Variants in B3GNT9 observed in about 807,000 individuals in gnomAD.
The protein encoded by B3GNT9 is BGnT-9.
For synonymous variants in B3GNT9, 359 were observed against 283.9 expected (o/e 1.26, Z -2.66); for missense variants, 669 against 599.2 (o/e 1.12, Z -1.22).
chr16:67,149,787 G>T lies in B3GNT9; in HGVS notation c.699C>A (p.Phe233Leu), dbSNP rs376177165. Residue 233 changes from phenylalanine to leucine, a missense_variant, in exon 2 of 2, where the codon TTC becomes TTA. Phe to Leu is a conservative substitution (Grantham distance 22). Coordinates refer to ENST00000449549, the MANE Select transcript of B3GNT9 (RefSeq NM_033309.3). ...RFVFKGDADV[F>L]VNVGNLLEFL... ...ACTCCAGGAGATTTCCCACGTTCAC[G>T]AACACATCTGCGTCGCCCTTAAAAA... 19 of 1,613,876 alleles carry T rather than the reference G, an allele frequency of 1.2e-5. No homozygotes were observed. Among genetic ancestry groups the T allele is most frequent in the Admixed American group, 1.0e-4 (6 of 60,024 alleles).
At position 67,149,473 on chromosome 16, in the gene B3GNT9, G is replaced by T. The variant is rs1028296132; in HGVS notation, c.1013C>A (p.Thr338Asn). The T allele has an allele frequency of 5.0e-6, 8 of 1,609,266 alleles. No individual in the cohort carries two copies. Among genetic ancestry groups the T allele is most frequent in the Non-Finnish European group, 5.9e-6 (7 of 1,177,938 alleles). The change falls in exon 2 of 2, where the codon ACC (threonine) becomes AAC (asparagine). Residue 338 changes from threonine (T) to asparagine (N), a missense_variant. Physicochemically the swap from Thr to Asn is moderately conservative, Grantham distance 65. Coordinates refer to ENST00000449549, the MANE Select transcript of B3GNT9 (RefSeq NM_033309.3). ...GGCTGAAGGCTGGGGGATGCCAAAG[G>T]TGCGGAAGGCAGGGTGAGGCTCGGG... The part of the protein sequence containing the change: ...LTPEPHPAFR[T>N]FGIPQPSAAP...
Position 67,149,021 on chromosome 16 carries a change from T to G in B3GNT9, c.*256A>C, listed in dbSNP as rs762653444. Reference sequence around the variant, plus strand: ...TGTGCTACTAGGAGGACCAGACATATCCACTGCTCTGGGACCTGTTGGACA... The same window carrying G: ...TGTGCTACTAGGAGGACCAGACATAGCCACTGCTCTGGGACCTGTTGGACA... On this transcript the variant is annotated 3_prime_UTR_variant, in exon 2 of 2. Transcript: ENST00000449549. 5 of 567,438 alleles carry G rather than the reference T, an allele frequency of 8.8e-6. No homozygotes were observed. The highest frequency in any genetic ancestry group is 7.8e-5 in the African/African-American group (4 of 51,468). 35.2% of individuals were successfully genotyped at this position (567,438 alleles called of 1,614,324 possible).
rs934844205 is a variant in B3GNT9, at chr16:67,149,506, C to T, written c.980G>A (p.Arg327Gln). 8 of 1,608,386 alleles carry T rather than the reference C, an allele frequency of 5.0e-6. No individual in the cohort carries two copies. The Middle Eastern group carries it at 4.9e-4, about 99-fold the overall frequency. Residue 327 changes from arginine (R) to glutamine (Q), a missense_variant, in exon 2 of 2, where the codon CGG becomes CAG. By Grantham distance (43) the Arg-to-Gln change is conservative (BLOSUM62 1). Coordinates refer to ENST00000449549, the MANE Select transcript of B3GNT9 (RefSeq NM_033309.3). ...VFLGMCLQRL[R>Q]LTPEPHPAFR... The stretch of plus-strand genomic sequence containing the variant: ...GGCAGGGTGAGGCTCGGGCGTGAGC[C>T]GCAGGCGCTGCAGACACATGCCCAG...
chr16:67,150,151 G>T lies in B3GNT9; in HGVS notation c.335C>A (p.Pro112His). 8 of 1,534,352 alleles carry T rather than the reference G, an allele frequency of 5.2e-6. No individual in the cohort carries two copies. The highest frequency in any genetic ancestry group is 6.1e-6 in the Non-Finnish European group (7 of 1,143,576). ...QPHKCRGDGA[P>H]GGRPDLLIAV... ...AATAAGCAGGTCCGGGCGGCCACCG[G>T]GTGCGCCGTCGCCGCGGCACTTGTG... The change falls in exon 2 of 2, where the codon CCC (proline) becomes CAC (histidine). Residue 112 changes from proline to histidine, a missense_variant. Physicochemically the swap from Pro to His is moderately conservative, Grantham distance 77. Transcript: ENST00000449549.
In B3GNT9 at chr16:67,149,638, T is replaced by G. The variant is rs1303775637; in HGVS notation, c.848A>C (p.Tyr283Ser). ...IPEAVYGLPA[Y>S]PAYAGGGGFV... ...GCCACCGCCGCCCGCGTAGGCCGGA[T>G]AGGCGGGCAGGCCGTACACGGCCTC... The change falls in exon 2 of 2, where the codon TAT becomes TCT. Residue 283 changes from tyrosine to serine, a missense_variant. Transcript: ENST00000449549. The G allele has an allele frequency of 6.2e-7, 1 of 1,601,306 alleles. No individual in the cohort carries two copies. The highest frequency in any genetic ancestry group is 8.5e-7 in the Non-Finnish European group (1 of 1,174,280).
Position 67,149,481 on chromosome 16 carries a change from G to A in B3GNT9, c.1005C>T (p.Ala335=). The A allele has an allele frequency of 1.2e-6, 2 of 1,609,232 alleles. No individual in the cohort carries two copies. Among genetic ancestry groups the A allele is most frequent in the Non-Finnish European group, 1.7e-6 (2 of 1,177,976 alleles). ...GCTGGGGGATGCCAAAGGTGCGGAAGGCAGGGTGAGGCTCGGGCGTGAGCC... is the reference window on the plus strand; with the variant it reads ...GCTGGGGGATGCCAAAGGTGCGGAAAGCAGGGTGAGGCTCGGGCGTGAGCC... ...RLRLTPEPHP[A]FRTFGIPQPS... The change falls in exon 2 of 2, where the codon GCC becomes GCT. Residue 335 remains alanine (A), a synonymous_variant. Transcript: ENST00000449549.
At position 67,149,476 on chromosome 16, in the gene B3GNT9, C is replaced by T. The variant is rs200217141; in HGVS notation, c.1010G>A (p.Arg337His). 1,881 of 1,608,394 alleles carry T rather than the reference C, an allele frequency of 1.2e-3. 5 individuals are homozygous for T. The highest frequency in any genetic ancestry group is 1.5e-3 in the Non-Finnish European group (1,765 of 1,177,510). ...RLTPEPHPAFRTFGIPQPSAA... is the reference protein window; with the variant it reads ...RLTPEPHPAFHTFGIPQPSAA... ...TGAAGGCTGGGGGATGCCAAAGGTGCGGAAGGCAGGGTGAGGCTCGGGCGT... is the reference window on the plus strand; with the variant it reads ...TGAAGGCTGGGGGATGCCAAAGGTGTGGAAGGCAGGGTGAGGCTCGGGCGT... The change falls in exon 2 of 2, where the codon CGC becomes CAC. Residue 337 changes from arginine to histidine, a missense_variant. Arg to His is a conservative substitution (Grantham distance 29). Transcript: ENST00000449549.
rs1429977366 is a variant in B3GNT9, at chr16:67,149,955, G to C, written c.531C>G (p.His177Gln). Residue 177 changes from histidine (H) to glutamine (Q), a missense_variant, in exon 2 of 2, where the codon CAC becomes CAG. By Grantham distance (24) the His-to-Gln change is conservative (BLOSUM62 0). Coordinates refer to ENST00000449549, the MANE Select transcript of B3GNT9 (RefSeq NM_033309.3). ...ADEVGEGART[H>Q]WRALLRAESL... ...TCTCGGCCCGCAGCAGGGCGCGCCAGTGGGTTCGCGCGCCCTCCCCAACTT... is the reference window on the plus strand; with the variant it reads ...TCTCGGCCCGCAGCAGGGCGCGCCACTGGGTTCGCGCGCCCTCCCCAACTT... 2.6e-6 allele frequency: 4 copies of C among 1,564,114 alleles called. No homozygotes were observed. The highest frequency in any genetic ancestry group is 1.9e-5 in the Admixed American group (1 of 51,792).
In B3GNT9 at chr16:67,150,355, C is replaced by A; in HGVS notation, c.131G>T (p.Arg44Met). ...PTASAPRGRG[R>M]AAPRPTPGPR... Reference sequence around the variant, plus strand: ...TCCGGGGGTGGGCCTCGGTGCCGCCCTCCCTCGCCCTCGCGGCGCGCTCGC... The same window carrying A: ...TCCGGGGGTGGGCCTCGGTGCCGCCATCCCTCGCCCTCGCGGCGCGCTCGC... Residue 44 changes from arginine (R) to methionine (M), a missense_variant, in exon 2 of 2, where the codon AGG becomes ATG. Transcript: ENST00000449549. 1 of 1,351,688 alleles carries A rather than the reference C, an allele frequency of 7.4e-7. No homozygotes were observed. The highest frequency in any genetic ancestry group is 2.0e-5 in the South Asian group (1 of 50,186). The allele number at this position is 1,351,688 out of a possible 1,614,324, so 83.7% of individuals were successfully genotyped here.
Position 67,150,523 on chromosome 16 carries a change from C to T in B3GNT9, c.-38G>A, listed in dbSNP as rs2030440506. On this transcript the variant is annotated 5_prime_UTR_variant, in exon 2 of 2. Transcript: ENST00000449549. ...TGCGCCCTCCCTCCCCTGTAAGGGT[C>T]GCAGTCGGCAGCAGGGGGCAGCGAG... 1 of 1,259,952 alleles carries T rather than the reference C, an allele frequency of 7.9e-7. No individual in the cohort carries two copies. Among genetic ancestry groups the T allele is most frequent in the Non-Finnish European group, 1.0e-6 (1 of 1,002,740 alleles). 78.0% of individuals were successfully genotyped at this position (1,259,952 alleles called of 1,614,324 possible). A position where few individuals can be genotyped will look rare whatever the true frequency, so the allele number is the denominator to read the frequency against.
In B3GNT9 at chr16:67,150,431, C is replaced by T. The variant is rs1597225869; in HGVS notation, c.55G>A (p.Ala19Thr). The T allele has an allele frequency of 8.9e-6, 12 of 1,354,616 alleles. No individual in the cohort carries two copies. Among genetic ancestry groups the T allele is most frequent in the Non-Finnish European group, 1.1e-5 (12 of 1,056,666 alleles). 83.9% of individuals were successfully genotyped at this position (1,354,616 alleles called of 1,614,324 possible). A position where few individuals can be genotyped will look rare whatever the true frequency, so the allele number is the denominator to read the frequency against. ...GCATAGAGTAAGAGGCCCAGGGAGG[C>T]GCCAAGGAGCAGCGTGAGCAATGCG... ...RDALLTLLLGASLGLLLYAQR... is the reference protein window; with the variant it reads ...RDALLTLLLGTSLGLLLYAQR... The change falls in exon 2 of 2, where the codon GCC (alanine) becomes ACC (threonine). Residue 19 changes from alanine (A) to threonine (T), a missense_variant. Coordinates refer to ENST00000449549, the MANE Select transcript of B3GNT9 (RefSeq NM_033309.3).
At position 67,149,733 on chromosome 16, in the gene B3GNT9, G is replaced by A; in HGVS notation, c.753C>T (p.Asp251=). ...GCACAATTACGTCACCAGCAAGCAG[G>A]TCTTGCGCCGGGTCCCGCGGCGCCA... The part of the protein sequence containing the change: ...EFLAPRDPAQ[D]LLAGDVIVHA... The change falls in exon 2 of 2, where the codon GAC becomes GAT. Residue 251 remains aspartate (D), a synonymous_variant. Transcript: ENST00000449549. 2 of 1,613,688 alleles carry A rather than the reference G, an allele frequency of 1.2e-6. No individual in the cohort carries two copies. Among genetic ancestry groups the A allele is most frequent in the Non-Finnish European group, 1.7e-6 (2 of 1,179,810 alleles).
Position 67,150,913 on chromosome 16 carries a change from C to T in B3GNT9, c.-235G>A, listed in dbSNP as rs967291125. On this transcript the variant is annotated 5_prime_UTR_variant, in exon 1 of 2. Transcript: ENST00000449549. ...GCCCCGGACGCCCTGGCCTCCGGGG[C>T]TCAGCGCAGGGTCCGAGGGGCCGCC... 1.9e-5 allele frequency: 3 copies of T among 155,284 alleles called. No individual in the cohort carries two copies. The highest frequency in any genetic ancestry group is 7.2e-5 in the African/African-American group (3 of 41,570). 9.6% of individuals were successfully genotyped at this position (155,284 alleles called of 1,614,324 possible).
Position 67,150,614 on chromosome 16 carries a change from T to C in B3GNT9, c.-129A>G, listed in dbSNP as rs1006383377. 2 of 725,100 alleles carry C rather than the reference T, an allele frequency of 2.8e-6. No homozygotes were observed. The highest frequency in any genetic ancestry group is 3.8e-6 in the Non-Finnish European group (2 of 522,876). 44.9% of individuals were successfully genotyped at this position (725,100 alleles called of 1,614,324 possible). On this transcript the variant is annotated 5_prime_UTR_variant, in exon 2 of 2. Transcript: ENST00000449549. ...GGGGGGGGCTCCAGCGACCGACGGTTGAGCCCCTTGCGTTGTTCTCCTCCT... is the reference window on the plus strand; with the variant it reads ...GGGGGGGGCTCCAGCGACCGACGGTCGAGCCCCTTGCGTTGTTCTCCTCCT...
At position 67,150,370 on chromosome 16, in the gene B3GNT9, G is replaced by A; in HGVS notation, c.116C>T (p.Pro39Leu). The part of the protein sequence containing the change: ...RDGAAPTASA[P>L]RGRGRAAPRP... Reference sequence around the variant, plus strand: ...CGGTGCCGCCCTCCCTCGCCCTCGCGGCGCGCTCGCCGTCGGGGCCGCGCC... The same window carrying A: ...CGGTGCCGCCCTCCCTCGCCCTCGCAGCGCGCTCGCCGTCGGGGCCGCGCC... The change falls in exon 2 of 2, where the codon CCG becomes CTG. Residue 39 changes from proline (P) to leucine (L), a missense_variant. Physicochemically the swap from Pro to Leu is moderately conservative, Grantham distance 98 (BLOSUM62 -3). Transcript: ENST00000449549. 1 of 1,347,614 alleles carries A rather than the reference G, an allele frequency of 7.4e-7. No homozygotes were observed. Among genetic ancestry groups the A allele is most frequent in the South Asian group, 2.0e-5 (1 of 49,874 alleles). The allele number at this position is 1,347,614 out of a possible 1,614,324, so 83.5% of individuals were successfully genotyped here. A position where few individuals can be genotyped will look rare whatever the true frequency, so the allele number is the denominator to read the frequency against.
rs1414374999 is a variant in B3GNT9 at position 67,148,684 on chromosome 16, G to T, written c.*593C>A. The T allele has an allele frequency of 1.3e-5, 2 of 152,372 alleles. No homozygotes were observed. The highest frequency in any genetic ancestry group is 2.9e-5 in the Non-Finnish European group (2 of 68,074). 9.4% of individuals were successfully genotyped at this position (152,372 alleles called of 1,614,324 possible). On this transcript the variant is annotated 3_prime_UTR_variant, in exon 2 of 2. Transcript: ENST00000449549. ...GTGGGAGACTGGCATTGTTGTGTGA[G>T]TTCAGGAGGTGAGGAAAGACTAGGT...
At position 67,149,493 on chromosome 16, in the gene B3GNT9, C is replaced by T. The variant is rs2030364464; in HGVS notation, c.993G>A (p.Glu331=). Residue 331 remains glutamate, a synonymous_variant, in exon 2 of 2, where the codon GAG becomes GAA. Transcript: ENST00000449549. ...CAAAGGTGCGGAAGGCAGGGTGAGGCTCGGGCGTGAGCCGCAGGCGCTGCA... is the reference window on the plus strand; with the variant it reads ...CAAAGGTGCGGAAGGCAGGGTGAGGTTCGGGCGTGAGCCGCAGGCGCTGCA... The part of the protein sequence containing the change: ...MCLQRLRLTP[E]PHPAFRTFGI... 7 of 1,608,098 alleles carry T rather than the reference C, an allele frequency of 4.4e-6. No homozygotes were observed. In the South Asian group the frequency reaches 6.7e-5, roughly 15 times the overall value.
Position 67,150,421 on chromosome 16 carries a change from C to T in B3GNT9, c.65G>A (p.Gly22Asp). 7.4e-7 allele frequency: 1 copy of T among 1,359,260 alleles called. No individual in the cohort carries two copies. The highest frequency in any genetic ancestry group is 9.4e-7 in the Non-Finnish European group (1 of 1,059,338). 84.2% of individuals were successfully genotyped at this position (1,359,260 alleles called of 1,614,324 possible). ...GTCGCGCTGCGCATAGAGTAAGAGG[C>T]CCAGGGAGGCGCCAAGGAGCAGCGT... The part of the protein sequence containing the change: ...LLTLLLGASL[G>D]LLLYAQRDGA... The change falls in exon 2 of 2, where the codon GGC (glycine) becomes GAC (aspartate). Residue 22 changes from glycine to aspartate, a missense_variant. Coordinates refer to ENST00000449549, the MANE Select transcript of B3GNT9 (RefSeq NM_033309.3).
In B3GNT9 at chr16:67,150,649, GT is replaced by G; in HGVS notation, c.-165del. On this transcript the variant is annotated 5_prime_UTR_variant, in exon 2 of 2. Coordinates refer to ENST00000449549, the MANE Select transcript of B3GNT9 (RefSeq NM_033309.3). ...GCGTTGTTCTCCTCCTCCCGGCCGT[GT>G]CGCACCGCCGGGACCGGCAGCCTGA... 2.0e-6 allele frequency: 1 copy of G among 507,802 alleles called. No homozygotes were observed. The highest frequency in any genetic ancestry group is 3.1e-6 in the Non-Finnish European group (1 of 326,934). The allele number at this position is 507,802 out of a possible 1,614,324, so 31.5% of individuals were successfully genotyped here.
Sources: gnomAD v4.1 joint callset for allele counts on GRCh38, gnomAD v4.1.1 for gene constraint, MANE v1.5 for transcripts, NCBI Gene and HGNC (gene_info 2026-07-23, HGNC 2026-07-21) for gene names.